Variants in TBC1D8 observed in about 807,000 individuals in gnomAD.
TBC1D8 encodes the protein TBC1 domain family member 8.
Under a neutral mutation model 118.8 loss-of-function variants are expected in TBC1D8, and 65 were observed. That is an observed-to-expected ratio of 0.55 (90% confidence interval 0.45 to 0.67). The LOEUF (loss-of-function observed/expected upper bound fraction) is 0.67, where lower values mean the gene tolerates loss of function less well. Ranked by LOEUF, TBC1D8 falls within the 30% of genes least tolerant of loss-of-function variation. The probability of loss-of-function intolerance (pLI) is 0.00; values close to 1 mark genes in which losing one functional copy is unlikely to be tolerated. For missense variants in TBC1D8, 1,376 were observed against 1,471.2 expected (o/e 0.94, Z 1.06); for synonymous variants, 566 against 595.8 (o/e 0.95, Z 0.73).
At chr2:101,049,089 C>T (rs1002873577) in intron 5 of TBC1D8, among the ~76,000 whole-genome samples, 7 of 152,122 alleles carry the variant, frequency 4.6e-5, no homozygotes, top group African/African-American at 1.7e-4. Context: ...AGCTCCGAGC[C>T]CCTGCTTTCA....
chr2:101,044,757 GT>G, intron 5 of TBC1D8, among the ~76,000 whole-genome samples: 1 of 152,076 alleles, frequency 6.6e-6, no homozygotes. Context: ...TCACCTTTTT[GT>G]TTTTGTTTTT....
intron 1 of TBC1D8, among the ~76,000 whole-genome samples, chr2:101,115,593 ATG>A (rs1677784189): frequency 2.0e-5 from 3 of 152,192 alleles, no homozygotes; most frequent in East Asian, 3.9e-4. Context: ...TCTACTAAAA[ATG>A]TAGAAATTAG....
intron 5 of TBC1D8, among the ~76,000 whole-genome samples, chr2:101,044,316 AT>A (rs1180129746): frequency 2.0e-5 from 3 of 152,258 alleles, no homozygotes; most frequent in Non-Finnish European, 4.4e-5. Flanking sequence ...CATAACTGAG[AT>A]GAAGATATCG....
At chr2:101,137,870 C>T (rs1259557727) in intron 1 of TBC1D8, among the ~76,000 whole-genome samples, 6 of 152,142 alleles carry the variant, frequency 3.9e-5, no homozygotes, top group Non-Finnish European at 7.3e-5. Context: ...AGTGCTAAGC[C>T]AACAGACTTG....
At chr2:101,129,458 A>T (rs909250507) in intron 1 of TBC1D8, among the ~76,000 whole-genome samples, 6 of 152,002 alleles carry the variant, frequency 3.9e-5, no homozygotes. Context: ...CAGTTTTTTT[A>T]AATATCTGTT....
chr2:101,105,568 G>T (rs1267936478), intron 1 of TBC1D8, among the ~76,000 whole-genome samples: 1 of 142,444 alleles, frequency 7.0e-6, no homozygotes, highest in African/African-American at 2.6e-5. Context: ...CAGCCTGGGT[G>T]ACAGACCAGA....
intron 5 of TBC1D8, among the ~76,000 whole-genome samples, chr2:101,046,465 C>G (rs1462355265): frequency 5.9e-5 from 9 of 152,304 alleles, no homozygotes; most frequent in Non-Finnish European, 1.3e-4. Context: ...CACCGAGCAG[C>G]TTGGGGACTG....
chr2:101,129,702 G>A (rs1308487921), intron 1 of TBC1D8, among the ~76,000 whole-genome samples: 3 of 151,586 alleles, frequency 2.0e-5, no homozygotes, highest in Non-Finnish European at 4.4e-5. Context: ...TCAGGAGATC[G>A]AGACCATCCT....
rs758322894 is a variant in TBC1D8, at chr2:101,007,946, T to C, written c.3343A>G (p.Asn1115Asp). ...ASLLTEQSLV[N>D]FFEKPLDMKS... ...ATGTCCAGTGGCTTTTCAAAAAAGT[T>C]GACTAATGACTGTTCAGTCAGAAGT... Residue 1115 changes from asparagine (N) to aspartate (D), a missense_variant, in exon 20 of 20, where the codon AAC becomes GAC. Coordinates refer to ENST00000409318, the MANE Select transcript of TBC1D8 (RefSeq NM_001330348.2). The C allele has an allele frequency of 1.2e-5, 19 of 1,613,944 alleles. No individual in the cohort carries two copies. In the South Asian group the frequency reaches 2.1e-4, roughly 18 times the overall value.
At chr2:101,016,749 AAAT>A (rs1331859670) in intron 17 of TBC1D8, among the ~76,000 whole-genome samples, 1 of 152,206 alleles carries the variant, frequency 6.6e-6, no homozygotes, top group Non-Finnish European at 1.5e-5. Context: ...CAGCCATAAA[AAAT>A]GATGAGTTCA....
intron 3 of TBC1D8, among the ~76,000 whole-genome samples, chr2:101,059,211 CTTTTT>C (rs142846099): frequency 7.8e-5 from 11 of 140,324 alleles, no homozygotes; most frequent in Admixed American, 1.4e-4. Flanking sequence ...CCAGCCAAGT[CTTTTT>C]TTTTTTTTTT....
intron 1 of TBC1D8, among the ~76,000 whole-genome samples, chr2:101,139,156 G>A (rs1194614505): frequency 6.6e-6 from 1 of 151,538 alleles, no homozygotes; most frequent in East Asian, 1.9e-4. Context: ...TGGCTCCTGA[G>A]GTTCCCTCAC....
intron 1 of TBC1D8, among the ~76,000 whole-genome samples, chr2:101,128,648 C>T (rs146776256): frequency 1.3e-5 from 2 of 152,222 alleles, no homozygotes; most frequent in African/African-American, 4.8e-5. Flanking sequence ...CCTGTTTTCA[C>T]GGCAGCATTA....
intron 19 of TBC1D8, among the ~76,000 whole-genome samples, chr2:101,008,747 GGTT>G (rs760021436): frequency 6.6e-6 from 1 of 151,978 alleles, no homozygotes; most frequent in Non-Finnish European, 1.5e-5. Flanking sequence ...AGGAGGCAAA[GGTT>G]GTGGTAGTCA....
At chr2:101,086,411 G>C (rs1208683646) in intron 2 of TBC1D8, among the ~76,000 whole-genome samples, 1 of 152,122 alleles carries the variant, frequency 6.6e-6, no homozygotes, top group Non-Finnish European at 1.5e-5. Flanking sequence ...ATTTCCTAAA[G>C]TGATTAAAGA....
chr2:101,057,872 T>C (rs902460875), intron 3 of TBC1D8, among the ~76,000 whole-genome samples: 1 of 152,202 alleles, frequency 6.6e-6, no homozygotes, highest in Admixed American at 6.5e-5. Context: ...TGTTAATCTT[T>C]TGTCAGTGTA....
chr2:101,007,862 T>G lies in TBC1D8; in HGVS notation c.3427A>C (p.Ser1143Arg). Residue 1143 changes from serine to arginine, a missense_variant, in exon 20 of 20, where the codon AGC (serine) becomes CGC (arginine). Transcript: ENST00000409318. Reference protein sequence around the residue: ...NQYNLKTFEMSHQSQSELKLS... With the variant: ...NQYNLKTFEMRHQSQSELKLS... ...TTAAGTTCAGATTGTGATTGGTGGCTCATTTCAAAAGTTTTGAGATTGTAC... is the reference window on the plus strand; with the variant it reads ...TTAAGTTCAGATTGTGATTGGTGGCGCATTTCAAAAGTTTTGAGATTGTAC... 1 of 1,612,302 alleles carries G rather than the reference T, an allele frequency of 6.2e-7. No homozygotes were observed. Among genetic ancestry groups the G allele is most frequent in the East Asian group, 2.2e-5 (1 of 44,888 alleles).
At chr2:101,114,891 G>A (rs892218634) in intron 1 of TBC1D8, among the ~76,000 whole-genome samples, 16 of 147,280 alleles carry the variant, frequency 1.1e-4, no homozygotes, top group African/African-American at 3.3e-4. Flanking sequence ...CAGAACAGGG[G>A]TGCCACCCCA....
intron 1 of TBC1D8, among the ~76,000 whole-genome samples, chr2:101,145,370 T>C (rs1393403923): frequency 6.6e-6 from 1 of 152,228 alleles, no homozygotes; most frequent in East Asian, 1.9e-4. Context: ...TTCTTCCCTA[T>C]TATGCTTTTA....
Sources: gnomAD v4.1 joint callset for allele counts (sites outside exome capture counted in the v4.1 genomes callset) on GRCh38, gnomAD v4.1.1 for gene constraint, MANE v1.5 for transcripts, NCBI Gene and HGNC (gene_info 2026-07-23, HGNC 2026-07-21) for gene names.